Variants in STARD13 observed in about 807,000 individuals in gnomAD.
STARD13 encodes stAR-related lipid transfer protein 13.
STARD13 carries 62 observed loss-of-function variants against 106.4 expected under a neutral mutation model. The observed-to-expected ratio is 0.58, with a 90% CI of 0.48 to 0.72. The LOEUF (loss-of-function observed/expected upper bound fraction) is 0.72, where lower values mean the gene tolerates loss of function less well. Among genes scored for constraint, STARD13 ranks in the 30% least tolerant of loss-of-function variants. STARD13 has a pLI of 0.00. For synonymous variants in STARD13, 565 were observed against 553.0 expected (o/e 1.02, Z -0.31); for missense variants, 1,387 against 1,424.0 (o/e 0.97, Z 0.42).
At chr13:33,631,494 G>C in the STARD13 span, among the ~76,000 whole-genome samples, 2 of 152,146 alleles carry the variant, frequency 1.3e-5, no homozygotes, top group East Asian at 3.8e-4. Context: ...TCATCTTCTT[G>C]GTGATTACGG....
the STARD13 span, among the ~76,000 whole-genome samples, chr13:33,516,371 G>A: frequency 1.3e-5 from 2 of 150,592 alleles, no homozygotes; most frequent in Non-Finnish European, 3.0e-5. Flanking sequence ...TAAGAACACC[G>A]AGAACATTTT....
chr13:33,139,374 G>T (rs938046872), intron 4 of STARD13, among the ~76,000 whole-genome samples: 1 of 152,200 alleles, frequency 6.6e-6, no homozygotes, highest in African/African-American at 2.4e-5. Flanking sequence ...TTAAGGACAA[G>T]GAATAGTGCC....
the STARD13 span, among the ~76,000 whole-genome samples, chr13:33,556,669 G>A: frequency 1.3e-5 from 2 of 152,056 alleles, no homozygotes; most frequent in Admixed American, 1.3e-4. Context: ...GATTTATGGT[G>A]GATTACCAAC....
intron 1 of STARD13, among the ~76,000 whole-genome samples, chr13:33,283,958 T>C (rs984633055): frequency 2.6e-5 from 4 of 152,214 alleles, no homozygotes; most frequent in Non-Finnish European, 4.4e-5. Context: ...TCATATGATA[T>C]GCATGCTGAG....
At chr13:33,399,058 G>A in the STARD13 span, among the ~76,000 whole-genome samples, 2 of 151,992 alleles carry the variant, frequency 1.3e-5, no homozygotes, top group East Asian at 1.9e-4. Context: ...TATTTCCCAA[G>A]CAATAAAAAG....
intron 1 of STARD13, among the ~76,000 whole-genome samples, chr13:33,170,725 T>C (rs886519599): frequency 1.3e-5 from 2 of 152,132 alleles, no homozygotes; most frequent in African/African-American, 4.8e-5. Flanking sequence ...TGCCCAAATG[T>C]CTCTCAAACA....
intron 1 of STARD13, among the ~76,000 whole-genome samples, chr13:33,291,285 T>C (rs1892281863): frequency 6.6e-6 from 1 of 152,250 alleles, no homozygotes; most frequent in African/African-American, 2.4e-5. Context: ...TTCAGATGTT[T>C]GTCAAAAGCC....
At chr13:33,283,857 G>T (rs574922559) in intron 1 of STARD13, among the ~76,000 whole-genome samples, 1 of 152,214 alleles carries the variant, frequency 6.6e-6, no homozygotes, top group South Asian at 2.1e-4. Context: ...ATTCCAAAAA[G>T]AACATAAATA....
At chr13:33,284,429 T>G (rs556724375) in intron 1 of STARD13, among the ~76,000 whole-genome samples, 13 of 152,340 alleles carry the variant, frequency 8.5e-5, no homozygotes, top group African/African-American at 3.1e-4. Context: ...GAAACTGTAT[T>G]TTTATAATGG....
Position 33,212,174 on chromosome 13 carries a change from C to T in STARD13, c.170-44552G>A, listed in dbSNP as rs1471628402. ...CCTTTTGGGGTGGCTCACCTGTCCC[C>T]CTGAAGCTGACAGATTTGTCCCTCT... On this transcript the variant is annotated intron_variant, in intron 1 of 13. Transcript: ENST00000336934. 2.6e-5 allele frequency among the ~76,000 whole-genome samples: 4 copies of T among 152,104 alleles called. No individual in the cohort carries two copies. In the East Asian group the frequency reaches 7.7e-4, roughly 29 times the overall value.
At chr13:33,286,868 A>C (rs549075467), upstream of STARD13, among the ~76,000 whole-genome samples, 1 of 151,898 alleles carries the variant, frequency 6.6e-6, no homozygotes, top group Non-Finnish European at 1.5e-5. Context: ...ATATACGTGT[A>C]TATATATATG....
chr13:33,310,306 G>T (rs1893082549), intron 1 of STARD13, among the ~76,000 whole-genome samples: 1 of 152,066 alleles, frequency 6.6e-6, no homozygotes, highest in Non-Finnish European at 1.5e-5. Context: ...GATTGCAAAA[G>T]GGAAACATAT....
At chr13:33,621,105 A>T in the STARD13 span, among the ~76,000 whole-genome samples, 5 of 151,998 alleles carry the variant, frequency 3.3e-5, no homozygotes, top group Non-Finnish European at 7.4e-5. Flanking sequence ...TTAAAGTAGA[A>T]GAGTGAAAAT....
At chr13:33,675,655 C>T in the STARD13 span, among the ~76,000 whole-genome samples, 6 of 152,242 alleles carry the variant, frequency 3.9e-5, no homozygotes, top group Non-Finnish European at 5.9e-5. Flanking sequence ...GTTTGGAGAT[C>T]TCAGGGGAAG....
rs149564797 is a variant in STARD13, at chr13:33,243,170, T to A, written c.169+42300A>T. On this transcript the variant is annotated intron_variant, in intron 1 of 13. Coordinates refer to ENST00000336934, the MANE Select transcript of STARD13 (RefSeq NM_178006.4). ...CACCTCCTCTTCTTCCTCATGGTACTCTTTGGTGGACACAACCATACTCAG... is the reference window on the plus strand; with the variant it reads ...CACCTCCTCTTCTTCCTCATGGTACACTTTGGTGGACACAACCATACTCAG... Among the ~76,000 whole-genome samples the A allele has an allele frequency of 2.0e-5, 3 of 152,364 alleles. No individual in the cohort carries two copies. The East Asian group carries it at 5.8e-4, about 29-fold the overall frequency.
At chr13:33,411,779 T>G in the STARD13 span, among the ~76,000 whole-genome samples, 3 of 152,252 alleles carry the variant, frequency 2.0e-5, no homozygotes, top group Non-Finnish European at 4.4e-5. Flanking sequence ...TTAAGTTTCC[T>G]TATGTCTTCA....
chr13:33,370,439 C>A, the STARD13 span, among the ~76,000 whole-genome samples: 1 of 151,860 alleles, frequency 6.6e-6, no homozygotes, highest in East Asian at 1.9e-4. Context: ...AGAAGAAATA[C>A]ACGTACAACA....
chr13:33,333,386 T>A (rs1336444523), intron 1 of STARD13, among the ~76,000 whole-genome samples: 1 of 152,112 alleles, frequency 6.6e-6, no homozygotes, highest in Non-Finnish European at 1.5e-5. Flanking sequence ...AGACTCAGCC[T>A]CAAAAAATAA....
At chr13:33,450,970 C>A in the STARD13 span, among the ~76,000 whole-genome samples, 2 of 151,250 alleles carry the variant, frequency 1.3e-5, no homozygotes, top group African/African-American at 4.9e-5. Context: ...GCAGTGTAGA[C>A]CTCCTGTGCT....
Sources: gnomAD v4.1 joint callset for allele counts (sites outside exome capture counted in the v4.1 genomes callset) on GRCh38, gnomAD v4.1.1 for gene constraint, MANE v1.5 for transcripts, NCBI Gene and HGNC (gene_info 2026-07-23, HGNC 2026-07-21) for gene names.